The following P2RX7 variants were observed in gnomAD, a reference collection of about 807,000 sequenced individuals.
The protein encoded by P2RX7 is purinergic receptor P2X 7, also known as P2X purinoceptor 7.
Under a neutral mutation model 71.6 loss-of-function variants are expected in P2RX7, and 62 were observed. That is an observed-to-expected ratio of 0.87 (90% CI 0.71 to 1.07). The LOEUF is 1.07. Ranked by LOEUF, P2RX7 falls within the 50% of genes least tolerant of loss-of-function variation. The probability of loss-of-function intolerance (pLI) is 0.00; values close to 1 mark genes in which losing one functional copy is unlikely to be tolerated. For missense variants in P2RX7, 686 were observed against 748.5 expected (o/e 0.92, Z 0.97); for synonymous variants, 299 against 283.3 (o/e 1.06, Z -0.56).
In P2RX7 at chr12:121,152,847, T is replaced by C. The variant is rs75352524; in HGVS notation, c.126-1938T>C. On this transcript the variant is annotated intron_variant, in intron 1 of 12. Transcript: ENST00000328963. ...GCATCTCATTGTATGAATCCAACAA[T>C]TTATTTATCCATTCGTTGTTTGAGT... Among the ~76,000 whole-genome samples the C allele has an allele frequency of 1.9e-3, 288 of 152,346 alleles. 10 individuals are homozygous for C. The East Asian group carries it at 0.052, about 27-fold the overall frequency.
rs1236535841 is a variant in P2RX7 at position 121,149,808 on chromosome 12, G to C, written c.126-4977G>C. ...TTGTCTTGAACTCCTGGGCTCAAGGGATCCTCCTACCTCGGTCTAACAAGT... is the reference window on the plus strand; with the variant it reads ...TTGTCTTGAACTCCTGGGCTCAAGGCATCCTCCTACCTCGGTCTAACAAGT... On this transcript the variant is annotated intron_variant, in intron 1 of 12. Coordinates refer to ENST00000328963, the MANE Select transcript of P2RX7 (RefSeq NM_002562.6). This position sits in a 1 kb window ranked among gnomAD's most constrained non-coding sequence, Gnocchi z 4.7. 6.6e-6 allele frequency among the ~76,000 whole-genome samples: 1 copy of C among 151,998 alleles called. No homozygotes were observed. The highest frequency in any genetic ancestry group is 1.5e-5 in the Non-Finnish European group (1 of 68,010).
At chr12:121,148,188 TTTTA>T (rs10627747) in intron 1 of P2RX7, among the ~76,000 whole-genome samples, 10,116 of 140,418 alleles carry the variant, frequency 0.072, 512 homozygotes, top group Non-Finnish European at 0.093. Flanking sequence ...CTGGGATCTT[TTTTA>T]TTTATTTATT....
chr12:121,140,778 A>G (rs941946181), intron 1 of P2RX7, among the ~76,000 whole-genome samples: 3 of 152,128 alleles, frequency 2.0e-5, no homozygotes. Context: ...CTTAAAATAT[A>G]TATGTAATAA....
intron 8 of P2RX7, among the ~76,000 whole-genome samples, chr12:121,169,054 C>T (rs978374423): frequency 6.6e-6 from 1 of 152,094 alleles, no homozygotes; most frequent in Non-Finnish European, 1.5e-5. Flanking sequence ...CAACCTCTGC[C>T]TCCCAGGCCC....
chr12:121,152,278 G>A (rs1351434915), intron 1 of P2RX7, among the ~76,000 whole-genome samples: 1 of 152,034 alleles, frequency 6.6e-6, no homozygotes, highest in South Asian at 2.1e-4. Flanking sequence ...ACTATGTCAG[G>A]CCTAGTCAAT....
chr12:121,180,468 A>AT lies in P2RX7; in HGVS notation c.1290+17dup, dbSNP rs773865763. The stretch of plus-strand genomic sequence containing the variant: ...CCAAGAAGTCCCAGTAAGTTAAATC[A>AT]TTTTGTCTTTTTTTTTTTTTTAAGA... On this transcript the variant is annotated intron_variant, in intron 12 of 12. Transcript: ENST00000328963. 1 of 1,415,656 alleles carries AT rather than the reference A, an allele frequency of 7.1e-7. No homozygotes were observed. The highest frequency in any genetic ancestry group is 9.7e-7 in the Non-Finnish European group (1 of 1,030,952). 87.7% of individuals were successfully genotyped at this position (1,415,656 alleles called of 1,614,324 possible). A position where few individuals can be genotyped will look rare whatever the true frequency, so the allele number is the denominator to read the frequency against.
At chr12:121,166,447 GAA>G (rs1881048847) in intron 7 of P2RX7, among the ~76,000 whole-genome samples, 3 of 152,000 alleles carry the variant, frequency 2.0e-5, no homozygotes, top group Non-Finnish European at 4.4e-5. Context: ...TGGCTTCAAA[GAA>G]CACATATTTG....
chr12:121,166,292 AT>A, intron 7 of P2RX7, 105 bp downstream of exon 7: 1 of 1,229,732 alleles, frequency 8.1e-7, no homozygotes, highest in Non-Finnish European at 1.1e-6. Flanking sequence ...TGTGGCTCAC[AT>A]TTACTGAGCA....
Position 121,184,857 on chromosome 12 carries a change from G to A in P2RX7, c.*55G>A, listed in dbSNP as rs897994439. 11 of 1,392,100 alleles carry A rather than the reference G, an allele frequency of 7.9e-6. No homozygotes were observed. The South Asian group carries it at 1.6e-4, about 20-fold the overall frequency. The allele number at this position is 1,392,100 out of a possible 1,614,324, so 86.2% of individuals were successfully genotyped here. On this transcript the variant is annotated 3_prime_UTR_variant, in exon 13 of 13. Transcript: ENST00000328963. ...CCCAGCGCTTTGGGAGGCCGAGGCA[G>A]GCAGATCACCTGAGGTCGGGAGTTG...
intron 1 of P2RX7, among the ~76,000 whole-genome samples, chr12:121,151,560 T>C (rs1345413071): frequency 6.6e-6 from 1 of 152,212 alleles, no homozygotes; most frequent in African/African-American, 2.4e-5. Context: ...ATTCCCTTGT[T>C]TGTTTTAATA....
At position 121,184,526 on chromosome 12, in the gene P2RX7, G is replaced by T. The variant is rs1322729512; in HGVS notation, c.1512G>T (p.Gly504=). Residue 504 remains glycine (G), a synonymous_variant, in exon 13 of 13, where the codon GGG becomes GGT. Coordinates refer to ENST00000328963, the MANE Select transcript of P2RX7 (RefSeq NM_002562.6). ...AGCTGTGCTGCCGGAAAAAGCCGGG[G>T]GCCTGCATCACCACCTCAGAGCTGT... The part of the protein sequence containing the change: ...LEELCCRKKP[G]ACITTSELFR... 4 of 1,614,208 alleles carry T rather than the reference G, an allele frequency of 2.5e-6. No homozygotes were observed. The highest frequency in any genetic ancestry group is 3.4e-6 in the Non-Finnish European group (4 of 1,180,028).
At chr12:121,134,792 T>C (rs951540488) in intron 1 of P2RX7, among the ~76,000 whole-genome samples, 2 of 152,190 alleles carry the variant, frequency 1.3e-5, no homozygotes, top group Non-Finnish European at 2.9e-5. Flanking sequence ...CCTCTTATTC[T>C]CTGTGCTGAT....
At chr12:121,151,860 A>C (rs1877480208) in intron 1 of P2RX7, among the ~76,000 whole-genome samples, 1 of 152,164 alleles carries the variant, frequency 6.6e-6, no homozygotes, top group African/African-American at 2.4e-5. Context: ...TATTTCATAT[A>C]AATGGAATCA....
At chr12:121,171,439 A>C (rs1882167324) in intron 8 of P2RX7, among the ~76,000 whole-genome samples, 1 of 143,346 alleles carries the variant, frequency 7.0e-6, no homozygotes, top group Admixed American at 7.5e-5. Flanking sequence ...ATTTCGGGTC[A>C]CTGCAACCTC....
chr12:121,147,982 T>C (rs1159716225), intron 1 of P2RX7, among the ~76,000 whole-genome samples: 1 of 152,066 alleles, frequency 6.6e-6, no homozygotes, highest in Non-Finnish European at 1.5e-5. Flanking sequence ...TGACTGTGTA[T>C]CATAGATCTA....
intron 2 of P2RX7, chr12:121,155,510 A>T: frequency 1.3e-6 from 1 of 764,448 alleles, no homozygotes; most frequent in South Asian, 1.5e-5. Flanking sequence ...AAATTAAAGT[A>T]GGGTTGAGGA....
intron 8 of P2RX7, 59 bp from the exon 9 acceptor site, chr12:121,175,329 A>C (rs1882919191): frequency 4.9e-6 from 5 of 1,019,192 alleles, no homozygotes; most frequent in Admixed American, 2.2e-5. Flanking sequence ...AAAAAAAAAA[A>C]CCCAAAACCC....
intron 2 of P2RX7, chr12:121,155,275 G>A (rs1040079320): frequency 9.0e-6 from 12 of 1,333,800 alleles, no homozygotes; most frequent in African/African-American, 7.4e-5. Flanking sequence ...AAGGTCTGCC[G>A]AGATTCAGAA....
Position 121,160,886 on chromosome 12 carries a change from A to G in P2RX7, c.364-16A>G, listed in dbSNP as rs779103436. Reference sequence around the variant, plus strand: ...CACGTCACTTACTCCCCACTCTGTCATCCTTCTATCTGCAGTATCCCACCC... The same window carrying G: ...CACGTCACTTACTCCCCACTCTGTCGTCCTTCTATCTGCAGTATCCCACCC... On this transcript the variant is annotated splice_polypyrimidine_tract_variant and intron_variant, in intron 3 of 12. Transcript: ENST00000328963. The G allele has an allele frequency of 6.2e-7, 1 of 1,604,940 alleles. No individual in the cohort carries two copies.
Sources: gnomAD v4.1 joint callset for allele counts (sites outside exome capture counted in the v4.1 genomes callset) on GRCh38, gnomAD v4.1.1 for gene constraint, Gnocchi (gnomAD v3.1) non-coding constraint, MANE v1.5 for transcripts, NCBI Gene and HGNC (gene_info 2026-07-23, HGNC 2026-07-21) for gene names.